The following ARID4B variants were observed in gnomAD, a reference collection of about 807,000 sequenced individuals.
ARID4B encodes AT-rich interactive domain-containing protein 4B.
A neutral mutation model predicts 147.5 loss-of-function variants in ARID4B; 26 were observed. That is an observed-to-expected ratio of 0.18 (90% CI 0.13 to 0.24). The LOEUF is 0.24. ARID4B is among the 10% of genes least tolerant of loss of function. The pLI is 1.00. For missense variants in ARID4B, 1,179 were observed against 1,511.5 expected (o/e 0.78, Z 3.65); for synonymous variants, 512 against 507.9 (o/e 1.01, Z -0.11).
chr1:235,187,326 C>T (rs575754195), intron 19 of ARID4B, among the ~76,000 whole-genome samples: 6 of 151,472 alleles, frequency 4.0e-5, no homozygotes, highest in Middle Eastern at 3.5e-3. Context: ...TCAGGTGATC[C>T]GCCTACCTTG....
intron 2 of ARID4B, among the ~76,000 whole-genome samples, chr1:235,316,381 C>T (rs545428367): frequency 5.3e-5 from 8 of 151,832 alleles, no homozygotes; most frequent in African/African-American, 1.7e-4. Flanking sequence ...TTGTGGCACA[C>T]GCCTGTAATC....
chr1:235,275,489 C>T (rs1171452944), intron 2 of ARID4B, among the ~76,000 whole-genome samples: 1 of 152,182 alleles, frequency 6.6e-6, no homozygotes, highest in African/African-American at 2.4e-5. Flanking sequence ...TGTGGGTTCT[C>T]TGAGTGACTG....
At chr1:235,274,039 T>C (rs1160251955) in intron 2 of ARID4B, among the ~76,000 whole-genome samples, 1 of 152,150 alleles carries the variant, frequency 6.6e-6, no homozygotes, top group Non-Finnish European at 1.5e-5. Context: ...ACTGAAATTA[T>C]ACTAGTTTGG....
intron 2 of ARID4B, among the ~76,000 whole-genome samples, chr1:235,307,181 T>C (rs868662484): frequency 1.3e-5 from 2 of 152,210 alleles, no homozygotes; most frequent in Non-Finnish European, 2.9e-5. Context: ...CAGTGGCTGA[T>C]GTCTGTAATC....
chr1:235,168,680 G>A, intron 23 of ARID4B, 28 bp from the exon 24 acceptor site: 1 of 1,596,882 alleles, frequency 6.3e-7, no homozygotes, highest in East Asian at 2.2e-5. Context: ...CAAACCAAGA[G>A]CTTAATAAAA....
At chr1:235,228,131 T>C (rs1933246) in intron 11 of ARID4B, among the ~76,000 whole-genome samples, 72,469 of 151,594 alleles carry the variant, frequency 0.48, 17,671 homozygotes, top group South Asian at 0.6. Flanking sequence ...TGAGCCACAG[T>C]ACCCGGCCTG....
At chr1:235,238,012 T>C (rs182429239) in intron 8 of ARID4B, among the ~76,000 whole-genome samples, 9 of 151,888 alleles carry the variant, frequency 5.9e-5, no homozygotes, top group Admixed American at 5.2e-4. Context: ...TAGCCGGGCA[T>C]GGTGGCTTGT....
rs35617173 is a variant in ARID4B, at chr1:235,300,968, G to T, written c.6+25946C>A. On this transcript the variant is annotated intron_variant, in intron 2 of 23. Transcript: ENST00000264183. Reference sequence around the variant, plus strand: ...TTGACCTCATGATCTGCCTGCCTCGGCCTCCCAGAGTGCTGGGATTATAGG... The same window carrying T: ...TTGACCTCATGATCTGCCTGCCTCGTCCTCCCAGAGTGCTGGGATTATAGG... Among the ~76,000 whole-genome samples the T allele has an allele frequency of 2.0e-3, 307 of 151,548 alleles. 2 individuals carry two copies. Among genetic ancestry groups the T allele is most frequent in the African/African-American group, 7.1e-3 (295 of 41,276 alleles).
chr1:235,246,361 A>G, intron 7 of ARID4B, 59 bp downstream of exon 7: 2 of 1,340,946 alleles, frequency 1.5e-6, no homozygotes, highest in Non-Finnish European at 2.1e-6. Flanking sequence ...ATAACTATAA[A>G]CAATACTAGA....
rs1362887031 is a variant in ARID4B, at chr1:235,220,418, C to T, written c.1291G>A (p.Glu431Lys). 8.7e-6 allele frequency: 14 copies of T among 1,612,364 alleles called. No homozygotes were observed. The highest frequency in any genetic ancestry group is 9.3e-6 in the Non-Finnish European group (11 of 1,178,824). Residue 431 changes from glutamate (E) to lysine (K), a missense_variant, in exon 15 of 24, where the codon GAA becomes AAA. By Grantham distance (56) the Glu-to-Lys change is moderately conservative. Around this residue, in one of 10 missense-constraint regions of ARID4B, gnomAD observed 204 missense variants for 210.9 expected, o/e 0.97. Coordinates refer to ENST00000264183, the MANE Select transcript of ARID4B (RefSeq NM_016374.6). ...ATTTCTTTGATCTCTGTTTCATTTT[C>T]CTCCTTAACTTTTATTTCTTTTACA... The part of the protein sequence containing the change: ...ENVKEIKVKE[E>K]NETEIKEIKM...
chr1:235,214,358 G>A (rs945332401), intron 16 of ARID4B, among the ~76,000 whole-genome samples: 2 of 152,084 alleles, frequency 1.3e-5, no homozygotes, highest in African/African-American at 2.4e-5. Context: ...ATTAATAAAA[G>A]TGTTTTAACA....
At chr1:235,316,906 T>C (rs1674481359) in intron 2 of ARID4B, among the ~76,000 whole-genome samples, 1 of 152,208 alleles carries the variant, frequency 6.6e-6, no homozygotes, top group Admixed American at 6.5e-5. Flanking sequence ...ACTGAAACTT[T>C]TTCAGTGTTC....
Position 235,182,435 on chromosome 1 carries a change from G to C in ARID4B, c.2484C>G (p.Cys828Trp). Residue 828 changes from cysteine (C) to tryptophan (W), a missense_variant, in exon 20 of 24, where the codon TGC becomes TGG. By Grantham distance (215) the Cys-to-Trp change is radical. This residue lies in a region of ARID4B where 321 missense variants were observed against 342.4 expected (regional missense o/e 0.94). Transcript: ENST00000264183. ...CAGTTTTTAGACACTCTTCTGTATT[G>C]CAATACCTTCTTTTACCACGTTTTA... ...PQIKRGKRRY[C>W]NTEECLKTGS... 1 of 1,611,692 alleles carries C rather than the reference G, an allele frequency of 6.2e-7. No homozygotes were observed. Among genetic ancestry groups the C allele is most frequent in the Non-Finnish European group, 8.5e-7 (1 of 1,179,520 alleles).
chr1:235,284,382 G>C (rs1232962016), intron 2 of ARID4B, among the ~76,000 whole-genome samples: 1 of 152,256 alleles, frequency 6.6e-6, no homozygotes, highest in Non-Finnish European at 1.5e-5. Context: ...AATTCTTCAA[G>C]GCCTAAATTA....
chr1:235,320,109 G>A (rs1385204862), intron 2 of ARID4B, among the ~76,000 whole-genome samples: 1 of 147,008 alleles, frequency 6.8e-6, no homozygotes, highest in South Asian at 2.1e-4. Context: ...CCTGGGTAAC[G>A]AGCGAAACTC....
Position 235,307,094 on chromosome 1 carries a change from A to C in ARID4B, c.6+19820T>G, listed in dbSNP as rs1033363507. On this transcript the variant is annotated intron_variant, in intron 2 of 23. Coordinates refer to ENST00000264183, the MANE Select transcript of ARID4B (RefSeq NM_016374.6). ...GTACCTACAAATTACAGAGAAAAAAAATTATAATGGGGGAAGGGGGAATGG... is the reference window on the plus strand; with the variant it reads ...GTACCTACAAATTACAGAGAAAAAACATTATAATGGGGGAAGGGGGAATGG... Among the ~76,000 whole-genome samples the C allele has an allele frequency of 3.9e-5, 6 of 152,178 alleles. No homozygotes were observed. The East Asian group carries it at 5.8e-4, about 15-fold the overall frequency.
chr1:235,170,216 TG>T, intron 23 of ARID4B, among the ~76,000 whole-genome samples: 2 of 152,288 alleles, frequency 1.3e-5, no homozygotes, highest in Middle Eastern at 6.8e-3. Context: ...AAAATTGTAC[TG>T]GAACACAGCC....
intron 11 of ARID4B, among the ~76,000 whole-genome samples, chr1:235,227,958 G>A (rs1452971674): frequency 1.3e-5 from 2 of 150,222 alleles, no homozygotes; most frequent in African/African-American, 2.5e-5. Context: ...TCAGCCTCCC[G>A]AGTAGCTGGG....
Position 235,182,000 on chromosome 1 carries a change from A to G in ARID4B, c.2919T>C (p.Ala973=). 1.2e-6 allele frequency: 2 copies of G among 1,614,088 alleles called. No individual in the cohort carries two copies. The highest frequency in any genetic ancestry group is 1.7e-6 in the Non-Finnish European group (2 of 1,180,026). Residue 973 remains alanine (A), a synonymous_variant, in exon 20 of 24, where the codon GCT becomes GCC. Transcript: ENST00000264183. ...CACTGGGTGAACAACTCTCCTCTTC[A>G]GCCACAGTCTGCAGTGACTCCTCTG... ...GVAEESLQTV[A]EEESCSPSVE... is the part of the protein sequence containing the mutation.
Sources: allele counts gnomAD v4.1 joint callset (sites outside exome capture counted in the v4.1 genomes callset), GRCh38; gene constraint gnomAD v4.1.1; regional missense constraint gnomAD v4.1.1; transcripts MANE v1.5; gene names NCBI Gene and HGNC (gene_info 2026-07-23, HGNC 2026-07-21).